NXF2: variants seen among roughly 807,000 people sequenced by gnomAD.
NXF2 encodes TAP-like protein 2.
chrX:102,252,063 G>A (rs1390949405), intron 2 of NXF2, among the ~76,000 whole-genome samples: 4 of 107,405 alleles, frequency 3.7e-5, no homozygotes, highest in African/African-American at 1.4e-4. Flanking sequence ...CGCGATCTCG[G>A]CTCACTGCAA....
In NXF2 at chrX:102,254,655, TAGTC is replaced by T. The variant is rs1325125701; in HGVS notation, c.-54+6101_-54+6104del. Among the ~76,000 whole-genome samples, 6 of 51,972 alleles carry T rather than the reference TAGTC, an allele frequency of 1.2e-4. No homozygotes were observed. In the Admixed American group the frequency reaches 1.7e-3, roughly 14 times the overall value. 45.1% of individuals were successfully genotyped at this position (51,972 alleles called of 115,157 possible). The stretch of plus-strand genomic sequence containing the variant: ...GTTGAGCACTTTTTCATACACCTGT[TAGTC>T]AGTGTGTATGTCTTCTTTGGAGAAA... On this transcript the variant is annotated intron_variant, in intron 2 of 22. Coordinates refer to ENST00000625106, the MANE Select transcript of NXF2 (RefSeq NM_022053.4).
At chrX:102,252,066 C>G (rs1394595182) in intron 2 of NXF2, among the ~76,000 whole-genome samples, 28 of 106,932 alleles carry the variant, frequency 2.6e-4, no homozygotes, top group Non-Finnish European at 1.2e-4. Context: ...GATCTCGGCT[C>G]ACTGCAACCT....
intron 2 of NXF2, among the ~76,000 whole-genome samples, chrX:102,282,053 C>T (rs868912028): frequency 0.047 from 2,738 of 57,746 alleles, 2 homozygotes; most frequent in Non-Finnish European, 0.075. Context: ...CTCCTGACCT[C>T]GTGATCCTCC....
At chrX:102,251,568 G>T (rs1933819973) in intron 2 of NXF2, among the ~76,000 whole-genome samples, 1 of 24,541 alleles carries the variant, frequency 4.1e-5, no homozygotes, top group East Asian at 8.3e-4. Flanking sequence ...TTTTTCTACG[G>T]GTTAGGCGAG....
Position 102,293,507 on chromosome X carries a change from CT to C in NXF2, c.-53-13516del, listed in dbSNP as rs1398631574. ...TGTTGATTCTCTCTATTGTACTTTT[CT>C]TTCTCTCTTTCTTTCCATATATATA... is the stretch of plus-strand genomic sequence containing the variant. On this transcript the variant is annotated intron_variant, in intron 2 of 22. Coordinates refer to ENST00000625106, the MANE Select transcript of NXF2 (RefSeq NM_022053.4). 1.3e-3 allele frequency among the ~76,000 whole-genome samples: 20 copies of C among 15,120 alleles called. 1 individual carries two copies. Among genetic ancestry groups the C allele is most frequent in the African/African-American group, 4.6e-3 (19 of 4,174 alleles). The allele number at this position is 15,120 out of a possible 115,157, so 13.1% of individuals were successfully genotyped here. A position where few individuals can be genotyped will look rare whatever the true frequency, so the allele number is the denominator to read the frequency against.
chrX:102,298,463 CAAAAAAAAAAA>C (rs782746819), intron 2 of NXF2, among the ~76,000 whole-genome samples: 2 of 38,803 alleles, frequency 5.2e-5, no homozygotes, highest in Non-Finnish European at 9.3e-5. Context: ...GTGAGTTATG[CAAAAAAAAAAA>C]AAAAAAAAAA....
intron 2 of NXF2, among the ~76,000 whole-genome samples, chrX:102,293,588 T>TG (rs1296363694): frequency 6.8e-5 from 1 of 14,704 alleles, no homozygotes; most frequent in Non-Finnish European, 1.2e-4. Flanking sequence ...TGTTTTTTTT[T>TG]TTTTGTTTTG....
chrX:102,294,141 G>C (rs1164552290), intron 2 of NXF2, among the ~76,000 whole-genome samples: 2 of 96,400 alleles, frequency 2.1e-5, no homozygotes, highest in African/African-American at 9.0e-5. Flanking sequence ...GTATACATAT[G>C]TAACAAACCT....
At chrX:102,274,522 TCCTCTTCCTCTTCCTCTTCCTCTTCTTC>T (rs2147806259) in intron 2 of NXF2, among the ~76,000 whole-genome samples, 4 of 3,633 alleles carry the variant, frequency 1.1e-3, no homozygotes, top group Non-Finnish European at 1.2e-3. Context: ...TTCTTCTTCT[TCCTCTTCCTCTTCCTCTTCCTCTTCTTC>T]CTTCTTCTTC....
intron 2 of NXF2, 129 bp downstream of exon 2, chrX:102,248,687 C>T (rs1933810553): frequency 1.7e-5 from 1 of 57,885 alleles, no homozygotes. Context: ...GGAGGGATTC[C>T]CACCCTAGTG....
intron 2 of NXF2, among the ~76,000 whole-genome samples, chrX:102,282,098 G>A (rs1461114783): frequency 4.9e-5 from 4 of 81,335 alleles, no homozygotes; most frequent in South Asian, 1.7e-3. Context: ...GATTACAGCC[G>A]TGAGCCACCA....
chrX:102,294,155 C>T (rs1181392727), intron 2 of NXF2, among the ~76,000 whole-genome samples: 55 of 97,234 alleles, frequency 5.7e-4, no homozygotes, highest in Non-Finnish European at 3.1e-4. Context: ...CAAACCTGCA[C>T]GTTGTGCACA....
chrX:102,282,114 G>A (rs1213848909), intron 2 of NXF2, among the ~76,000 whole-genome samples: 23 of 85,409 alleles, frequency 2.7e-4, no homozygotes, highest in Admixed American at 1.2e-3. Flanking sequence ...CACCACGCCC[G>A]GCCAGAGTTG....
intron 2 of NXF2, among the ~76,000 whole-genome samples, chrX:102,293,579 GT>G (rs1312898293): frequency 0.028 from 440 of 15,662 alleles, 21 homozygotes; most frequent in Non-Finnish European, 0.046. Context: ...AGTTTTGTTT[GT>G]TTTTTTTTTT....
intron 2 of NXF2, among the ~76,000 whole-genome samples, chrX:102,274,474 ACTTCTT>A (rs1165972039): frequency 9.1e-4 from 2 of 2,195 alleles, no homozygotes; most frequent in African/African-American, 2.2e-3. Flanking sequence ...GATGATGACT[ACTTCTT>A]CTTCTTCTTC....
chrX:102,281,736 CCT>C (rs1933917617), intron 2 of NXF2, among the ~76,000 whole-genome samples: 1 of 78,114 alleles, frequency 1.3e-5, no homozygotes, highest in African/African-American at 4.7e-5. Flanking sequence ...TGACCCCCCC[CCT>C]CCCCCGACCC....
At position 102,254,198 on chromosome X, in the gene NXF2, T is replaced by C. The variant is rs1407301812; in HGVS notation, c.-54+5640T>C. Among the ~76,000 whole-genome samples the C allele has an allele frequency of 1.0e-4, 4 of 39,381 alleles. No individual in the cohort carries two copies. The Admixed American group carries it at 1.9e-3, about 18-fold the overall frequency. 34.2% of individuals were successfully genotyped at this position (39,381 alleles called of 115,157 possible). On this transcript the variant is annotated intron_variant, in intron 2 of 22. Transcript: ENST00000625106. ...ATCTGTCCCTTGATGGACACCTAGG[T>C]TGTTTCCATATCTTGGCTATTGTGA...
At chrX:102,282,430 C>T (rs1252645038) in intron 2 of NXF2, among the ~76,000 whole-genome samples, 1 of 113,989 alleles carries the variant, frequency 8.8e-6, no homozygotes, top group Non-Finnish European at 1.9e-5. Flanking sequence ...GGAGGGGTGG[C>T]GTCGGTAATT....
chrX:102,286,058 C>CGTGGGGCAGCG (rs1244730780), intron 2 of NXF2, among the ~76,000 whole-genome samples: 2 of 78,411 alleles, frequency 2.6e-5, no homozygotes, highest in African/African-American at 9.6e-5. Context: ...AAAGTACTTC[C>CGTGGGGCAGCG]GTGGGGCAGC....
Sources: allele counts gnomAD v4.1 joint callset (sites outside exome capture counted in the v4.1 genomes callset), GRCh38; gene constraint gnomAD v4.1.1; transcripts MANE v1.5; gene names NCBI Gene and HGNC (gene_info 2026-07-23, HGNC 2026-07-21).